ANKS1B: variants seen among roughly 807,000 people sequenced by gnomAD.
The protein encoded by ANKS1B is ankyrin repeat and sterile alpha motif domain-containing protein 1B.
Under a neutral mutation model 148.3 loss-of-function variants are expected in ANKS1B, and 36 were observed. The observed-to-expected ratio is 0.24, with a 90% CI of 0.19 to 0.32. ANKS1B has a LOEUF of 0.32. Among genes scored for constraint, ANKS1B ranks in the 10% least tolerant of loss-of-function variants. ANKS1B has a pLI of 1.00. For synonymous variants in ANKS1B, 542 were observed against 560.8 expected, an observed-to-expected ratio of 0.97 and a Z score of 0.47; for missense variants, 1,157 against 1,542.6, an observed-to-expected ratio of 0.75 and a Z score of 4.19.
At chr12:99,224,123 C>T (rs1228051729) in intron 14 of ANKS1B, among the ~76,000 whole-genome samples, 2 of 151,456 alleles carry the variant, frequency 1.3e-5, no homozygotes, top group Non-Finnish European at 2.9e-5. Flanking sequence ...AGGAACTTTC[C>T]ATAGGGTGAA....
intron 4 of ANKS1B, among the ~76,000 whole-genome samples, chr12:99,803,630 A>AAAATGG (rs2067240528): frequency 6.6e-6 from 1 of 152,234 alleles, no homozygotes; most frequent in Non-Finnish European, 1.5e-5. Context: ...TAAAGGAATG[A>AAAATGG]CAATGGCAAT....
intron 15 of ANKS1B, among the ~76,000 whole-genome samples, chr12:99,098,765 C>G (rs934746167): frequency 4.0e-5 from 6 of 149,438 alleles, no homozygotes; most frequent in African/African-American, 1.5e-4. Flanking sequence ...AGGGTTCCCC[C>G]CCCCACCCCC....
chr12:99,166,251 A>G (rs1025500225), intron 14 of ANKS1B, among the ~76,000 whole-genome samples: 6 of 151,778 alleles, frequency 4.0e-5, no homozygotes, highest in Admixed American at 2.6e-4. Context: ...CCAACATTGT[A>G]CTGGAGGTTC....
chr12:99,066,368 G>A (rs1003444821), intron 16 of ANKS1B, among the ~76,000 whole-genome samples: 12 of 152,056 alleles, frequency 7.9e-5, no homozygotes, highest in Non-Finnish European at 7.4e-5. Flanking sequence ...GCTGTGTTGA[G>A]GGTGAAGATT....
intron 10 of ANKS1B, among the ~76,000 whole-genome samples, chr12:99,500,961 T>A (rs2096649763): frequency 6.6e-6 from 1 of 152,218 alleles, no homozygotes; most frequent in African/African-American, 2.4e-5. Flanking sequence ...GAAAAATTTC[T>A]TGTGGCTTAA....
At chr12:99,514,169 T>C (rs375310695) in intron 9 of ANKS1B, among the ~76,000 whole-genome samples, 1 of 152,054 alleles carries the variant, frequency 6.6e-6, no homozygotes, top group African/African-American at 2.4e-5. Context: ...GACATACTTA[T>C]CTAGCACCTA....
At chr12:98,881,911 T>C (rs375523957) in intron 17 of ANKS1B, among the ~76,000 whole-genome samples, 1 of 152,148 alleles carries the variant, frequency 6.6e-6, no homozygotes, top group South Asian at 2.1e-4. Context: ...ACATGTTTCT[T>C]GGCATATATG....
At chr12:99,662,480 T>G (rs1315123557) in intron 8 of ANKS1B, among the ~76,000 whole-genome samples, 2 of 152,170 alleles carry the variant, frequency 1.3e-5, no homozygotes, top group Non-Finnish European at 2.9e-5. Context: ...CACATATGTG[T>G]TGAAAATGAA....
intron 17 of ANKS1B, among the ~76,000 whole-genome samples, chr12:99,039,238 T>C (rs2099957412): frequency 6.6e-6 from 1 of 152,228 alleles, no homozygotes; most frequent in African/African-American, 2.4e-5. Context: ...TGCCAACTGA[T>C]GGCAGCACCC....
Position 99,525,200 on chromosome 12 carries a change from G to A in ANKS1B, c.1273-20559C>T, listed in dbSNP as rs149836896. 2.9e-3 allele frequency among the ~76,000 whole-genome samples: 438 copies of A among 152,262 alleles called. 1 individual carries two copies. The highest frequency in any genetic ancestry group is 0.02 in the Middle Eastern group (6 of 294). On this transcript the variant is annotated intron_variant, in intron 9 of 26. Coordinates refer to ENST00000683438, the MANE Select transcript of ANKS1B (RefSeq NM_001352186.2). ...ACCAGCAGAAGGCATCACACAGGGA[G>A]GCATGGGCTAAGAGAAGGACATAAA...
intron 8 of ANKS1B, among the ~76,000 whole-genome samples, chr12:99,732,784 G>A (rs1391935497): frequency 6.6e-6 from 1 of 152,036 alleles, no homozygotes; most frequent in African/African-American, 2.4e-5. Flanking sequence ...GTATTAAATA[G>A]TTTAATAGTA....
chr12:99,190,690 A>C (rs1178021150), intron 14 of ANKS1B, among the ~76,000 whole-genome samples: 1 of 152,210 alleles, frequency 6.6e-6, no homozygotes, highest in Admixed American at 6.5e-5. Context: ...TACAAAAATT[A>C]ACTGAAGATG....
intron 12 of ANKS1B, among the ~76,000 whole-genome samples, chr12:99,317,385 T>A (rs2084338789): frequency 6.6e-6 from 1 of 152,258 alleles, no homozygotes; most frequent in Non-Finnish European, 1.5e-5. Flanking sequence ...TTCATGTTCC[T>A]TGTAAGTTGG....
Position 99,053,235 on chromosome 12 carries a change from G to C in ANKS1B, c.2700C>G (p.Asp900Glu). The C allele has an allele frequency of 1.2e-6, 2 of 1,611,360 alleles. No homozygotes were observed. The highest frequency in any genetic ancestry group is 1.7e-6 in the Non-Finnish European group (2 of 1,178,786). Residue 900 changes from aspartate (D) to glutamate (E), a missense_variant, in exon 17 of 27, where the codon GAC becomes GAG. Around this residue, in one of 6 missense-constraint regions of ANKS1B, gnomAD observed 258 missense variants for 497.0 expected, o/e 0.52. Transcript: ENST00000683438. Reference sequence around the variant, plus strand: ...CATTAATTAGAAAGGCTTTGGTGTAGTCGCCCAGTTCAATGGAATCCAGCC... The same window carrying C: ...CATTAATTAGAAAGGCTTTGGTGTACTCGCCCAGTTCAATGGAATCCAGCC... ...AEWLDSIELG[D>E]YTKAFLINGY...
At chr12:98,742,641 T>TTAAG (rs2097809313), downstream of ANKS1B, among the ~76,000 whole-genome samples, 2 of 152,220 alleles carry the variant, frequency 1.3e-5, no homozygotes, top group African/African-American at 4.8e-5. Context: ...GACCACAAAA[T>TTAAG]TAAGTTCCAG....
chr12:99,775,734 T>C lies in ANKS1B; in HGVS notation c.848-73A>G, dbSNP rs541572959. 2,806 of 865,238 alleles carry C rather than the reference T, an allele frequency of 3.2e-3. 18 individuals are homozygous for C. The highest frequency in any genetic ancestry group is 5.1e-3 in the Middle Eastern group (20 of 3,896). 53.6% of individuals were successfully genotyped at this position (865,238 alleles called of 1,614,324 possible). On this transcript the variant is annotated intron_variant, in intron 6 of 26. Transcript: ENST00000683438. Reference sequence around the variant, plus strand: ...AAAATCAATAAATTTTAAGTTTTACTTCTGGTAATCAGTTTTTCATTTATT... The same window carrying C: ...AAAATCAATAAATTTTAAGTTTTACCTCTGGTAATCAGTTTTTCATTTATT...
chr12:99,297,977 T>A (rs2154017643), intron 12 of ANKS1B, among the ~76,000 whole-genome samples: 1 of 152,196 alleles, frequency 6.6e-6, no homozygotes, highest in South Asian at 2.1e-4. Context: ...GTAAGGGGTG[T>A]GTGTGTCTGT....
intron 12 of ANKS1B, among the ~76,000 whole-genome samples, chr12:99,320,583 A>T (rs369803253): frequency 1.3e-5 from 2 of 152,282 alleles, no homozygotes; most frequent in African/African-American, 4.8e-5. Flanking sequence ...TATCCTAGTT[A>T]GCCATTCGTC....
intron 14 of ANKS1B, among the ~76,000 whole-genome samples, chr12:99,193,728 C>A (rs2081028910): frequency 6.7e-6 from 1 of 150,272 alleles, no homozygotes; most frequent in Non-Finnish European, 1.5e-5. Flanking sequence ...CCTGGCCTCT[C>A]TACTCAGCCA....
Sources: allele counts gnomAD v4.1 joint callset (sites outside exome capture counted in the v4.1 genomes callset), GRCh38; gene constraint gnomAD v4.1.1; regional missense constraint gnomAD v4.1.1; transcripts MANE v1.5; gene names NCBI Gene and HGNC (gene_info 2026-07-23, HGNC 2026-07-21).